The following CSMD3 variants were observed in gnomAD, a reference collection of about 807,000 sequenced individuals.
CSMD3 encodes the protein CUB and Sushi multiple domains 3.
Under a neutral mutation model 435.2 loss-of-function variants are expected in CSMD3, and 177 were observed. That is an observed-to-expected ratio of 0.41 (90% CI 0.36 to 0.46). The LOEUF (loss-of-function observed/expected upper bound fraction) is 0.46. Ranked by LOEUF, CSMD3 falls within the 20% of genes least tolerant of loss-of-function variation. CSMD3 has a pLI of 0.34. For missense variants in CSMD3, 4,265 were observed against 4,504.6 expected (o/e 0.95, Z 1.52); for synonymous variants, 1,656 against 1,520.5 (o/e 1.09, Z -2.07).
intron 1 of CSMD3, among the ~76,000 whole-genome samples, chr8:113,339,518 C>G (rs1372526657): frequency 6.6e-6 from 1 of 151,950 alleles, no homozygotes; most frequent in African/African-American, 2.4e-5. Context: ...CAAACGTTTA[C>G]TGCTAAAGTG....
chr8:112,633,521 A>G (rs890980167), intron 22 of CSMD3, among the ~76,000 whole-genome samples: 5 of 152,038 alleles, frequency 3.3e-5, no homozygotes, highest in Admixed American at 2.6e-4. Flanking sequence ...ACACGACAGA[A>G]TTTTTCATAG....
At chr8:112,427,693 A>T (rs1018854534) in intron 32 of CSMD3, among the ~76,000 whole-genome samples, 4 of 152,154 alleles carry the variant, frequency 2.6e-5, no homozygotes, top group Non-Finnish European at 5.9e-5. Flanking sequence ...CTAGGCTGTG[A>T]GATGCAGGGT....
chr8:113,266,542 G>C (rs886211026), intron 3 of CSMD3, among the ~76,000 whole-genome samples: 1 of 151,442 alleles, frequency 6.6e-6, no homozygotes, highest in African/African-American at 2.4e-5. Context: ...TATAGTAAGT[G>C]CTTCGTTAAA....
At chr8:113,397,821 A>AAAATAAATAAAT (rs10615805) in intron 1 of CSMD3, among the ~76,000 whole-genome samples, 60 of 143,142 alleles carry the variant, frequency 4.2e-4, no homozygotes, top group African/African-American at 1.0e-3. Context: ...GTCCGTCTCA[A>AAAATAAATAAAT]AAATAAATAA....
chr8:112,833,973 G>T (rs2132499694), intron 11 of CSMD3, among the ~76,000 whole-genome samples: 1 of 152,022 alleles, frequency 6.6e-6, no homozygotes, highest in Non-Finnish European at 1.5e-5. Context: ...TAGGCTAGTG[G>T]ATACAAATTA....
intron 1 of CSMD3, among the ~76,000 whole-genome samples, chr8:113,420,729 C>A (rs960010712): frequency 6.6e-6 from 1 of 151,916 alleles, no homozygotes; most frequent in African/African-American, 2.4e-5. Flanking sequence ...GGATGGATCA[C>A]CTGAGGTCAG....
At chr8:112,544,323 TA>T (rs1307053810) in intron 27 of CSMD3, among the ~76,000 whole-genome samples, 1 of 152,178 alleles carries the variant, frequency 6.6e-6, no homozygotes, top group Admixed American at 6.5e-5. Context: ...TCAGGTACTT[TA>T]AAATGATGAG....
At chr8:113,259,604 A>G (rs1484527819) in intron 3 of CSMD3, among the ~76,000 whole-genome samples, 4 of 152,232 alleles carry the variant, frequency 2.6e-5, no homozygotes, top group African/African-American at 9.6e-5. Flanking sequence ...ACTGAGCACT[A>G]TGCCATTCTA....
intron 27 of CSMD3, among the ~76,000 whole-genome samples, chr8:112,517,892 C>T (rs1285581725): frequency 1.3e-5 from 2 of 152,106 alleles, no homozygotes; most frequent in Non-Finnish European, 2.9e-5. Flanking sequence ...TTACTATATA[C>T]CACAGCAATT....
At chr8:112,656,009 C>T (rs2075248590) in intron 18 of CSMD3, 145 bp downstream of exon 18, 1 of 584,614 alleles carries the variant, frequency 1.7e-6, no homozygotes, top group African/African-American at 1.9e-5. Flanking sequence ...AAAACACACA[C>T]CTTATAAAGC....
chr8:113,296,979 C>G (rs980755598), intron 2 of CSMD3, among the ~76,000 whole-genome samples: 1 of 152,070 alleles, frequency 6.6e-6, no homozygotes, highest in African/African-American at 2.4e-5. Context: ...TGGGCAGATA[C>G]AGGGTCATGC....
At position 112,308,066 on chromosome 8, in the gene CSMD3, C is replaced by T. The variant is rs556116377; in HGVS notation, c.7886-1874G>A. Among the ~76,000 whole-genome samples, 3 of 152,200 alleles carry T rather than the reference C, an allele frequency of 2.0e-5. 1 individual carries two copies. The South Asian group carries it at 6.2e-4, about 32-fold the overall frequency. On this transcript the variant is annotated intron_variant, in intron 50 of 70. Coordinates refer to ENST00000297405, the MANE Select transcript of CSMD3 (RefSeq NM_198123.2). ...TAATTGATCTTCTGTAATTTGGTAACCTGTAAATTATGAACAGAAAAGCTG... is the reference window on the plus strand; with the variant it reads ...TAATTGATCTTCTGTAATTTGGTAATCTGTAAATTATGAACAGAAAAGCTG...
intron 5 of CSMD3, among the ~76,000 whole-genome samples, chr8:113,081,660 A>C (rs1021719328): frequency 6.6e-6 from 1 of 152,030 alleles, no homozygotes; most frequent in African/African-American, 2.4e-5. Flanking sequence ...CCACCATCAC[A>C]CTACATCTTG....
chr8:112,819,498 A>C (rs1400290398), intron 12 of CSMD3, among the ~76,000 whole-genome samples: 6 of 152,180 alleles, frequency 3.9e-5, no homozygotes. Context: ...AGTTCGAAGG[A>C]ACTTTTGATT....
At chr8:113,183,734 T>G (rs2092457582) in intron 3 of CSMD3, among the ~76,000 whole-genome samples, 1 of 152,018 alleles carries the variant, frequency 6.6e-6, no homozygotes, top group African/African-American at 2.4e-5. Context: ...GTTTACATTT[T>G]GGGGGTACAT....
At chr8:112,450,936 C>T (rs1816191401) in intron 32 of CSMD3, among the ~76,000 whole-genome samples, 1 of 151,916 alleles carries the variant, frequency 6.6e-6, no homozygotes, top group Admixed American at 6.6e-5. Context: ...TCAGAGATGC[C>T]ATCAAATACA....
intron 32 of CSMD3, among the ~76,000 whole-genome samples, chr8:112,452,687 T>G (rs1023134007): frequency 2.0e-5 from 3 of 152,200 alleles, no homozygotes; most frequent in African/African-American, 2.4e-5. Context: ...CAATGGATTA[T>G]TTGATTACAT....
At chr8:112,702,524 C>G (rs1198181059) in intron 13 of CSMD3, among the ~76,000 whole-genome samples, 2 of 151,996 alleles carry the variant, frequency 1.3e-5, no homozygotes, top group Non-Finnish European at 2.9e-5. Flanking sequence ...TGGATATCTT[C>G]TGTTTACCCA....
Position 112,287,140 on chromosome 8 carries a change from A to C in CSMD3, c.9255T>G (p.Gly3085=), listed in dbSNP as rs1819285401. Residue 3085 remains glycine (G), a synonymous_variant, in exon 58 of 71, where the codon GGT becomes GGG. Coordinates refer to ENST00000297405, the MANE Select transcript of CSMD3 (RefSeq NM_198123.2). ...KSTVRYACDT[G]YILHGSEERT... is the part of the protein sequence containing the mutation. ...TTTCTTCTGAGCCATGAAGGATGTA[A>C]CCAGTATCACAAGCATAACGTACAG... is the stretch of plus-strand genomic sequence containing the variant. The C allele has an allele frequency of 6.2e-7, 1 of 1,613,616 alleles. No homozygotes were observed. The highest frequency in any genetic ancestry group is 1.1e-5 in the South Asian group (1 of 91,086).
Sources: gnomAD v4.1 joint callset for allele counts (sites outside exome capture counted in the v4.1 genomes callset) on GRCh38, gnomAD v4.1.1 for gene constraint, MANE v1.5 for transcripts, NCBI Gene and HGNC (gene_info 2026-07-23, HGNC 2026-07-21) for gene names.